The following NKAIN3 variants were observed in gnomAD, a reference collection of about 807,000 sequenced individuals.
The protein encoded by NKAIN3 is sodium/potassium-transporting ATPase subunit beta-1-interacting protein 3.
In NKAIN3, 25 loss-of-function variants were observed where a neutral mutation model predicts 30.2. That is an observed-to-expected ratio of 0.83 (90% CI 0.60 to 1.16). The LOEUF (loss-of-function observed/expected upper bound fraction) is 1.16. NKAIN3 is among the 50% of genes most tolerant of loss of function. The pLI is 0.00. For missense variants in NKAIN3, 225 were observed against 254.1 expected (o/e 0.89, Z 0.78); for synonymous variants, 91 against 89.6 (o/e 1.02, Z -0.09).
chr8:62,582,889 A>G (rs1451837036), intron 2 of NKAIN3, among the ~76,000 whole-genome samples: 1 of 152,078 alleles, frequency 6.6e-6, no homozygotes, highest in Non-Finnish European at 1.5e-5. Flanking sequence ...GAGACCCAGG[A>G]GGGCTGAGAG....
chr8:62,337,158 G>T (rs1466709247), intron 1 of NKAIN3, among the ~76,000 whole-genome samples: 1 of 152,020 alleles, frequency 6.6e-6, no homozygotes, highest in Non-Finnish European at 1.5e-5. Context: ...GAAAGTGAAA[G>T]CTGCCAGCCT....
At chr8:62,539,064 G>A (rs1020902892) in intron 1 of NKAIN3, among the ~76,000 whole-genome samples, 6 of 152,146 alleles carry the variant, frequency 3.9e-5, no homozygotes, top group Admixed American at 6.5e-5. Flanking sequence ...TATTGGAAGG[G>A]CATCCAGTTC....
chr8:62,878,930 G>T (rs1399369410), intron 4 of NKAIN3, among the ~76,000 whole-genome samples: 2 of 152,032 alleles, frequency 1.3e-5, no homozygotes, highest in African/African-American at 4.8e-5. Context: ...ATTTGGCTTG[G>T]TTCCAAATCT....
chr8:62,280,067 T>A (rs1371272258), intron 1 of NKAIN3, among the ~76,000 whole-genome samples: 1 of 152,204 alleles, frequency 6.6e-6, no homozygotes, highest in Non-Finnish European at 1.5e-5. Context: ...TGGTTTGTAG[T>A]TCCCCTTGAA....
intron 1 of NKAIN3, among the ~76,000 whole-genome samples, chr8:62,264,773 G>A (rs769680888): frequency 7.9e-5 from 12 of 152,122 alleles, no homozygotes; most frequent in Non-Finnish European, 1.5e-4. Context: ...AGCTTGATCT[G>A]TCCAGCTGTC....
At chr8:62,637,823 C>T (rs916902884) in intron 3 of NKAIN3, among the ~76,000 whole-genome samples, 5 of 152,106 alleles carry the variant, frequency 3.3e-5, no homozygotes, top group Admixed American at 2.6e-4. Flanking sequence ...GGAATAAGAA[C>T]ACACAGGAAC....
chr8:62,687,901 G>T (rs114084638), intron 3 of NKAIN3, among the ~76,000 whole-genome samples: 1,693 of 152,134 alleles, frequency 0.011, 32 homozygotes, highest in African/African-American at 0.04. Flanking sequence ...CTTCTCCTGG[G>T]GCAACAAGCA....
At chr8:62,453,279 A>T (rs921417886) in intron 1 of NKAIN3, among the ~76,000 whole-genome samples, 8 of 152,176 alleles carry the variant, frequency 5.3e-5, no homozygotes, top group African/African-American at 1.9e-4. Context: ...TTTCTGAGTG[A>T]CTTCTGGGTA....
At chr8:62,381,073 T>C (rs1817260886) in intron 1 of NKAIN3, among the ~76,000 whole-genome samples, 1 of 152,200 alleles carries the variant, frequency 6.6e-6, no homozygotes, top group Non-Finnish European at 1.5e-5. Flanking sequence ...ATTAAAAACA[T>C]AAATTAACTA....
chr8:62,299,923 T>C (rs1022316198), intron 1 of NKAIN3, among the ~76,000 whole-genome samples: 3 of 152,170 alleles, frequency 2.0e-5, no homozygotes, highest in African/African-American at 7.2e-5. Flanking sequence ...AAAATTGATA[T>C]GCTGCTTTAA....
chr8:62,987,642 A>G (rs992452987), downstream of NKAIN3, among the ~76,000 whole-genome samples: 11 of 152,050 alleles, frequency 7.2e-5, no homozygotes, highest in Non-Finnish European at 1.5e-5. Context: ...CCTCCCCCCC[A>G]TGATTCAATA....
chr8:62,602,853 G>A (rs1811022266), intron 3 of NKAIN3, among the ~76,000 whole-genome samples: 1 of 152,036 alleles, frequency 6.6e-6, no homozygotes, highest in Admixed American at 6.6e-5. Context: ...TTTTTAATGA[G>A]TCTATAATTA....
intron 4 of NKAIN3, among the ~76,000 whole-genome samples, chr8:62,812,578 G>T (rs1442231037): frequency 6.6e-6 from 1 of 151,360 alleles, no homozygotes; most frequent in Non-Finnish European, 1.5e-5. Flanking sequence ...CTGTAACCTT[G>T]CTTCACTCAC....
intron 1 of NKAIN3, among the ~76,000 whole-genome samples, chr8:62,411,060 A>G (rs1804222094): frequency 6.6e-6 from 1 of 152,178 alleles, no homozygotes; most frequent in Non-Finnish European, 1.5e-5. Flanking sequence ...CATCAGCCTA[A>G]CACCAAAATA....
intron 1 of NKAIN3, among the ~76,000 whole-genome samples, chr8:62,391,339 C>A (rs967889524): frequency 9.2e-5 from 14 of 152,114 alleles, no homozygotes; most frequent in Non-Finnish European, 1.6e-4. Flanking sequence ...TGAAACAGTC[C>A]TTTAGAAGAG....
intron 4 of NKAIN3, among the ~76,000 whole-genome samples, chr8:62,807,634 C>T (rs986601184): frequency 6.8e-6 from 1 of 148,124 alleles, no homozygotes. Flanking sequence ...CTCACTGCAA[C>T]CTCCACTTCC....
At chr8:62,729,856 C>T (rs1162446381) in intron 3 of NKAIN3, among the ~76,000 whole-genome samples, 1 of 152,112 alleles carries the variant, frequency 6.6e-6, no homozygotes, top group Non-Finnish European at 1.5e-5. Flanking sequence ...CTGCTATGAA[C>T]ACTATTACAT....
At chr8:62,384,246 G>A (rs1817359907) in intron 1 of NKAIN3, among the ~76,000 whole-genome samples, 1 of 152,110 alleles carries the variant, frequency 6.6e-6, no homozygotes, top group Non-Finnish European at 1.5e-5. Flanking sequence ...AGCAATAAGA[G>A]GTGGCCATGA....
At chr8:62,463,662 A>G (rs930919890) in intron 1 of NKAIN3, among the ~76,000 whole-genome samples, 1 of 152,140 alleles carries the variant, frequency 6.6e-6, no homozygotes, top group Non-Finnish European at 1.5e-5. Context: ...TTTGTTGTAT[A>G]TATCGTAGTC....
Sources: gnomAD v4.1 joint callset for allele counts (sites outside exome capture counted in the v4.1 genomes callset) on GRCh38, gnomAD v4.1.1 for gene constraint, MANE v1.5 for transcripts, NCBI Gene and HGNC (gene_info 2026-07-23, HGNC 2026-07-21) for gene names.